PHF6: variants seen among roughly 807,000 people sequenced by gnomAD.
PHF6 encodes the protein PHD-like zinc finger protein.
PHF6 carries 7 observed loss-of-function variants against 34.0 expected under a neutral mutation model. The observed-to-expected ratio is 0.21, with a 90% CI of 0.12 to 0.39. The LOEUF is 0.39. Ranked by LOEUF, PHF6 falls within the 10% of genes least tolerant of loss-of-function variation. PHF6 has a pLI of 1.00. For synonymous variants in PHF6, 89 were observed against 88.4 expected (o/e 1.01, Z -0.04); for missense variants, 128 against 262.8 (o/e 0.49, Z 3.55).
rs765763149 is a variant in PHF6 at position 134,377,522 on chromosome X, A to C, written c.-46-50A>C. ...TTAACAACTTTCATGAATATGTATA[A>C]ACTGATTTTAAAATAAAATTAACAT... On this transcript the variant is annotated intron_variant, in intron 1 of 10. Coordinates refer to ENST00000370803, the MANE Select transcript of PHF6 (RefSeq NM_001015877.2). The C allele has an allele frequency of 2.4e-4, 235 of 974,680 alleles. 1 individual carries two copies. In the African/African-American group the frequency reaches 4.0e-3, roughly 17 times the overall value. The allele number at this position is 974,680 out of a possible 1,213,427, so 80.3% of individuals were successfully genotyped here.
chrX:134,413,716 ACTAT>A (rs769765136), intron 6 of PHF6, 59 bp downstream of exon 6: 32 of 1,186,265 alleles, frequency 2.7e-5, no homozygotes, highest in Middle Eastern at 2.3e-4. Flanking sequence ...TTTCATTTAA[ACTAT>A]CTATAGGTAA....
At chrX:134,413,801 G>A (rs761461292) in intron 6 of PHF6, 22 bp from the exon 7 acceptor site, 6 of 1,208,263 alleles carry the variant, frequency 5.0e-6, no homozygotes, top group South Asian at 3.5e-5. Flanking sequence ...TTTTAAGTTC[G>A]TTTTTTCTTT....
chrX:134,383,365 T>G (rs1314958210), intron 3 of PHF6, among the ~76,000 whole-genome samples: 1 of 111,799 alleles, frequency 8.9e-6, no homozygotes, highest in East Asian at 2.8e-4. Context: ...TTCATCCTTC[T>G]GTATAAATTA....
intron 5 of PHF6, among the ~76,000 whole-genome samples, chrX:134,404,200 T>C (rs763556075): frequency 8.9e-6 from 1 of 112,399 alleles, no homozygotes; most frequent in South Asian, 3.7e-4. Context: ...ATTGAGAACA[T>C]CTGTGATTCA....
intron 5 of PHF6, among the ~76,000 whole-genome samples, chrX:134,395,590 G>A (rs1268990703): frequency 5.4e-5 from 6 of 111,790 alleles, no homozygotes; most frequent in African/African-American, 6.5e-5. Context: ...ATTTTTGTTC[G>A]CTTTTGAGAA....
intron 5 of PHF6, among the ~76,000 whole-genome samples, chrX:134,406,829 G>GAT (rs1456295070): frequency 1.8e-5 from 2 of 112,051 alleles, no homozygotes; most frequent in Non-Finnish European, 3.8e-5. Context: ...ATTTTGAATA[G>GAT]ATACATGAAC....
At chrX:134,397,494 C>T (rs751765063) in intron 5 of PHF6, among the ~76,000 whole-genome samples, 1 of 111,432 alleles carries the variant, frequency 9.0e-6, no homozygotes, top group African/African-American at 3.3e-5. Flanking sequence ...ACTAAAAATA[C>T]AAAAATTAGC....
intron 1 of PHF6, 98 bp from the exon 2 acceptor site, chrX:134,377,474 A>T (rs979374106): frequency 6.8e-6 from 4 of 586,793 alleles, no homozygotes; most frequent in Non-Finnish European, 1.1e-5. Flanking sequence ...AAAAATGTGT[A>T]TATTAAAACC....
At chrX:134,403,261 G>C (rs1435380846) in intron 5 of PHF6, among the ~76,000 whole-genome samples, 1 of 111,850 alleles carries the variant, frequency 8.9e-6, no homozygotes, top group Non-Finnish European at 1.9e-5. Context: ...CTATTCCAGG[G>C]AACACACAAA....
At position 134,427,133 on chromosome X, in the gene PHF6, A is replaced by G. The variant is rs1030811831; in HGVS notation, c.*1473A>G. Reference sequence around the variant, plus strand: ...TGTATTCACACATTTACTTAAATCAAGGGACTCAATGCTTGCTTTTATTTT... The same window carrying G: ...TGTATTCACACATTTACTTAAATCAGGGGACTCAATGCTTGCTTTTATTTT... On this transcript the variant is annotated 3_prime_UTR_variant, in exon 11 of 11. Coordinates refer to ENST00000370803, the MANE Select transcript of PHF6 (RefSeq NM_001015877.2). The G allele has an allele frequency of 1.8e-5, 3 of 165,664 alleles. No homozygotes were observed. Among genetic ancestry groups the G allele is most frequent in the Non-Finnish European group, 3.5e-5 (3 of 85,113 alleles). 13.7% of individuals were successfully genotyped at this position (165,664 alleles called of 1,213,427 possible). A position where few individuals can be genotyped will look rare whatever the true frequency, so the allele number is the denominator to read the frequency against.
At chrX:134,390,977 C>CTTT (rs1216287733) in intron 3 of PHF6, among the ~76,000 whole-genome samples, 4 of 71,495 alleles carry the variant, frequency 5.6e-5, no homozygotes, top group African/African-American at 1.5e-4. Context: ...TTTTTTTTTT[C>CTTT]TTTTTTTTTT....
At chrX:134,392,676 G>A (rs770026272) in intron 3 of PHF6, among the ~76,000 whole-genome samples, 1 of 111,486 alleles carries the variant, frequency 9.0e-6, no homozygotes, top group East Asian at 2.8e-4. Flanking sequence ...AGAGCTCAAG[G>A]TATTAAAAAA....
intron 3 of PHF6, among the ~76,000 whole-genome samples, chrX:134,392,927 G>C (rs1408601513): frequency 9.0e-6 from 1 of 110,509 alleles, no homozygotes; most frequent in Non-Finnish European, 1.9e-5. Context: ...CTCCCAAGTA[G>C]CTGGGATTAG....
At chrX:134,399,678 CACACACAG>C (rs1413275948) in intron 5 of PHF6, among the ~76,000 whole-genome samples, 10 of 103,797 alleles carry the variant, frequency 9.6e-5, no homozygotes, top group African/African-American at 2.3e-4. Flanking sequence ...CAGACACACA[CACACACAG>C]ACACACACAC....
chrX:134,387,759 C>T (rs1171836358), intron 3 of PHF6, among the ~76,000 whole-genome samples: 4 of 111,683 alleles, frequency 3.6e-5, no homozygotes, highest in Non-Finnish European at 7.5e-5. Context: ...ATAATCTATT[C>T]AGTAACTACT....
chrX:134,374,420 G>A (rs2077270032), intron 1 of PHF6, among the ~76,000 whole-genome samples: 1 of 111,794 alleles, frequency 8.9e-6, no homozygotes, highest in Non-Finnish European at 1.9e-5. Flanking sequence ...TAATAATATC[G>A]TGCAACCAAA....
chrX:134,419,431 TA>T (rs1468513359), intron 9 of PHF6: 2 of 111,450 alleles, frequency 1.8e-5, no homozygotes, highest in Non-Finnish European at 3.8e-5. Context: ...TTATTAGAAT[TA>T]GTAGAGTAAA....
intron 1 of PHF6, among the ~76,000 whole-genome samples, chrX:134,376,852 T>TAAA (rs1273857675): frequency 8.9e-6 from 1 of 112,201 alleles, no homozygotes; most frequent in African/African-American, 3.2e-5. Context: ...AAAGACATAT[T>TAAA]CCTGATTTTT....
At chrX:134,412,849 T>C (rs1223523770) in intron 5 of PHF6, among the ~76,000 whole-genome samples, 1 of 112,306 alleles carries the variant, frequency 8.9e-6, no homozygotes, top group Non-Finnish European at 1.9e-5. Context: ...GTACTTAATA[T>C]TTGTTTAATT....
Sources: allele counts gnomAD v4.1 joint callset (sites outside exome capture counted in the v4.1 genomes callset), GRCh38; gene constraint gnomAD v4.1.1; transcripts MANE v1.5; gene names NCBI Gene and HGNC (gene_info 2026-07-23, HGNC 2026-07-21).